GPC5: variants seen among roughly 807,000 people sequenced by gnomAD.
The protein encoded by GPC5 is glypican 5.
A neutral mutation model predicts 53.9 loss-of-function variants in GPC5; 47 were observed. The observed-to-expected ratio is 0.87, with a 90% CI of 0.69 to 1.11. The LOEUF (loss-of-function observed/expected upper bound fraction) is 1.11, where lower values mean the gene tolerates loss of function less well. Ranked by LOEUF, GPC5 falls within the 50% of genes most tolerant of loss-of-function variation. The pLI is 0.00. For synonymous variants in GPC5, 286 were observed against 263.3 expected (o/e 1.09, Z -0.84); for missense variants, 748 against 713.1 (o/e 1.05, Z -0.56).
At chr13:92,185,283 G>A (rs1248970332) in intron 7 of GPC5, among the ~76,000 whole-genome samples, 1 of 152,102 alleles carries the variant, frequency 6.6e-6, no homozygotes, top group African/African-American at 2.4e-5. Context: ...TTTTAAGTTA[G>A]TAATTTGTAT....
chr13:92,838,410 T>A (rs1227891198), intron 7 of GPC5, among the ~76,000 whole-genome samples: 1 of 149,140 alleles, frequency 6.7e-6, no homozygotes, highest in Non-Finnish European at 1.5e-5. Flanking sequence ...CGTGAACCGG[T>A]AGTCGGAGCG....
In GPC5 at chr13:92,704,879, C is replaced by T. The variant is rs571030350; in HGVS notation, c.1562-161403C>T. On this transcript the variant is annotated intron_variant, in intron 7 of 7. Coordinates refer to ENST00000377067, the MANE Select transcript of GPC5 (RefSeq NM_004466.6). Reference sequence around the variant, plus strand: ...ATATATGAGTGTATATATATATACTCAATGTGTGTATATATATGAGTATAT... The same window carrying T: ...ATATATGAGTGTATATATATATACTTAATGTGTGTATATATATGAGTATAT... Among the ~76,000 whole-genome samples the T allele has an allele frequency of 1.1e-4, 16 of 148,958 alleles. No individual in the cohort carries two copies. In the South Asian group the frequency reaches 3.4e-3, roughly 32 times the overall value.
At chr13:91,669,703 A>G (rs907380005) in intron 2 of GPC5, among the ~76,000 whole-genome samples, 1 of 152,168 alleles carries the variant, frequency 6.6e-6, no homozygotes, top group Non-Finnish European at 1.5e-5. Context: ...GTTATTCACT[A>G]TGTCTATATT....
chr13:92,332,102 C>T (rs1323647429), intron 7 of GPC5, among the ~76,000 whole-genome samples: 1 of 152,086 alleles, frequency 6.6e-6, no homozygotes, highest in Non-Finnish European at 1.5e-5. Flanking sequence ...TCCACTGTCC[C>T]CCAAACATTC....
intron 7 of GPC5, among the ~76,000 whole-genome samples, chr13:92,173,684 C>T (rs2042087020): frequency 6.6e-6 from 1 of 152,188 alleles, no homozygotes; most frequent in African/African-American, 2.4e-5. Context: ...TGTGCCACGT[C>T]TCACATTCTA....
chr13:92,066,759 A>C (rs1368432171), intron 6 of GPC5, among the ~76,000 whole-genome samples: 1 of 152,118 alleles, frequency 6.6e-6, no homozygotes, highest in Non-Finnish European at 1.5e-5. Context: ...TACATGTGTA[A>C]TTCTTGCTTG....
chr13:91,972,408 G>C (rs1440428700), intron 6 of GPC5, among the ~76,000 whole-genome samples: 1 of 152,074 alleles, frequency 6.6e-6, no homozygotes, highest in Non-Finnish European at 1.5e-5. Context: ...GATGGGTCTT[G>C]ACTCTTTATC....
At chr13:92,648,171 T>G (rs1885837606) in intron 7 of GPC5, among the ~76,000 whole-genome samples, 1 of 152,102 alleles carries the variant, frequency 6.6e-6, no homozygotes, top group Admixed American at 6.6e-5. Context: ...AAAACTGGCT[T>G]TGTTCTAGGA....
chr13:91,803,677 A>T (rs1261616199), intron 5 of GPC5, among the ~76,000 whole-genome samples: 4 of 152,018 alleles, frequency 2.6e-5, no homozygotes, highest in Non-Finnish European at 4.4e-5. Context: ...TTAGATTTTT[A>T]AATTAATTTT....
chr13:92,709,047 AT>A (rs1367528119), intron 7 of GPC5, among the ~76,000 whole-genome samples: 1 of 144,860 alleles, frequency 6.9e-6, no homozygotes, highest in Admixed American at 6.9e-5. Flanking sequence ...CATCTGGCTA[AT>A]TTTTTTTGTT....
chr13:92,184,929 C>T (rs1474936057), intron 7 of GPC5, among the ~76,000 whole-genome samples: 1 of 152,122 alleles, frequency 6.6e-6, no homozygotes, highest in Non-Finnish European at 1.5e-5. Flanking sequence ...AAACACACAA[C>T]AGTGAAGAAA....
intron 6 of GPC5, among the ~76,000 whole-genome samples, chr13:92,062,590 G>A (rs1436484801): frequency 1.3e-5 from 2 of 151,982 alleles, no homozygotes; most frequent in East Asian, 1.9e-4. Flanking sequence ...TTTGACATGT[G>A]TATCTGAACA....
chr13:92,288,672 T>A (rs1185331805), intron 7 of GPC5, among the ~76,000 whole-genome samples: 1 of 152,182 alleles, frequency 6.6e-6, no homozygotes, highest in Non-Finnish European at 1.5e-5. Flanking sequence ...ATAGATGTTT[T>A]GGGGAGGGAG....
intron 7 of GPC5, among the ~76,000 whole-genome samples, chr13:92,626,776 A>G (rs1489289407): frequency 6.6e-6 from 1 of 152,226 alleles, no homozygotes; most frequent in Non-Finnish European, 1.5e-5. Flanking sequence ...AAACTCTCCT[A>G]TAATATTTGA....
At chr13:91,668,092 G>A (rs1299230561) in intron 2 of GPC5, among the ~76,000 whole-genome samples, 1 of 152,164 alleles carries the variant, frequency 6.6e-6, no homozygotes, top group Non-Finnish European at 1.5e-5. Context: ...TTCAATATTA[G>A]ATAAGAACAA....
chr13:91,930,628 G>A (rs558475714), intron 6 of GPC5, among the ~76,000 whole-genome samples: 1 of 151,870 alleles, frequency 6.6e-6, no homozygotes, highest in East Asian at 1.9e-4. Context: ...CTAACACATG[G>A]CAGCCCAATA....
intron 5 of GPC5, among the ~76,000 whole-genome samples, chr13:91,862,841 C>T (rs182286990): frequency 2.6e-5 from 4 of 152,236 alleles, no homozygotes; most frequent in Admixed American, 6.5e-5. Context: ...TGACTTTGAT[C>T]GTCAGGTCTT....
chr13:91,417,711 G>C (rs1359517998), intron 1 of GPC5, among the ~76,000 whole-genome samples: 1 of 151,588 alleles, frequency 6.6e-6, no homozygotes, highest in Non-Finnish European at 1.5e-5. Flanking sequence ...GCAGCAGTTA[G>C]GAGTCCATAA....
At chr13:92,096,287 T>C (rs560616517) in intron 6 of GPC5, among the ~76,000 whole-genome samples, 1 of 152,372 alleles carries the variant, frequency 6.6e-6, no homozygotes, top group East Asian at 1.9e-4. Context: ...CTGCCATTCA[T>C]GCAATGACTT....
Sources: allele counts gnomAD v4.1 joint callset (sites outside exome capture counted in the v4.1 genomes callset), GRCh38; gene constraint gnomAD v4.1.1; transcripts MANE v1.5; gene names NCBI Gene and HGNC (gene_info 2026-07-23, HGNC 2026-07-21).